The following SH3BP2 variants were observed in gnomAD, a reference collection of about 807,000 sequenced individuals.
SH3BP2 encodes the protein SH3 domain binding protein 2, also known as SH3 domain-binding protein 2.
SH3BP2 carries 38 observed loss-of-function variants against 56.2 expected under a neutral mutation model. The observed-to-expected ratio is 0.68, with a 90% CI of 0.52 to 0.89. The LOEUF (loss-of-function observed/expected upper bound fraction) is 0.89. Ranked by LOEUF, SH3BP2 falls within the 40% of genes least tolerant of loss-of-function variation. The pLI is 0.00. For synonymous variants in SH3BP2, 346 were observed against 316.7 expected (o/e 1.09, Z -0.98); for missense variants, 748 against 762.6 (o/e 0.98, Z 0.23).
chr4:2,829,629 GC>G lies in SH3BP2; in HGVS notation c.724del (p.His242ThrfsTer36), dbSNP rs747250901. Reference protein sequence around the residue: ...GPLLPPPPPKHGLPDVGLAAE... With the variant: ...GPLLPPPPPKXGLPDVGLAAE... Reference sequence around the variant, plus strand: ...CCCTACTGCCACCCCCGCCCCCTAAGCACGGCCTCCCAGATGTTGGCCTGGC... The same window carrying G: ...CCCTACTGCCACCCCCGCCCCCTAAGACGGCCTCCCAGATGTTGGCCTGGC... On this transcript the variant is annotated frameshift_variant, in exon 8 of 13. Transcript: ENST00000503393. LOFTEE classifies it high-confidence loss of function. The surrounding 1 kb of genome is among the most constrained non-coding windows in gnomAD (Gnocchi z 4.9). 1.8e-4 allele frequency: 298 copies of G among 1,611,768 alleles called. No homozygotes were observed. Among genetic ancestry groups the G allele is most frequent in the Non-Finnish European group, 2.3e-4 (271 of 1,179,398 alleles).
At chr4:2,815,955 A>G (rs1433611804) in intron 1 of SH3BP2, among the ~76,000 whole-genome samples, 1 of 152,162 alleles carries the variant, frequency 6.6e-6, no homozygotes, top group East Asian at 1.9e-4. Flanking sequence ...CGCTTGAACT[A>G]ACTCTTCCTT....
At chr4:2,798,957 G>T (rs951191909) in intron 1 of SH3BP2, 1 of 982,572 alleles carries the variant, frequency 1.0e-6, no homozygotes, top group African/African-American at 1.7e-5. Flanking sequence ...AGCTGCTGGG[G>T]CGGGGTGTGT....
intron 1 of SH3BP2, among the ~76,000 whole-genome samples, chr4:2,816,900 G>C (rs1724025894): frequency 6.6e-6 from 1 of 152,210 alleles, no homozygotes; most frequent in Non-Finnish European, 1.5e-5. Flanking sequence ...GTTTTATTGT[G>C]ATGTCTTTGT....
chr4:2,832,506 C>G, intron 11 of SH3BP2, 94 bp downstream of exon 11: 1 of 909,268 alleles, frequency 1.1e-6, no homozygotes, highest in Non-Finnish European at 1.9e-6. Context: ...CTAAACCACT[C>G]CCCTTGTGGA....
At chr4:2,827,368 C>T in intron 6 of SH3BP2, 50 bp downstream of exon 6, 1 of 1,524,620 alleles carries the variant, frequency 6.6e-7, no homozygotes, top group Non-Finnish European at 9.1e-7. Flanking sequence ...CCCACCTGGC[C>T]TCCTCTTGGC....
intron 5 of SH3BP2, chr4:2,826,676 G>C (rs57789977): frequency 0.1 from 35,596 of 351,698 alleles, 2,064 homozygotes; most frequent in Middle Eastern, 0.11. Flanking sequence ...CTGTGTGTGT[G>C]CATGTCCTCA....
At chr4:2,825,475 TGC>T (rs141960692) in intron 5 of SH3BP2, among the ~76,000 whole-genome samples, 15,271 of 137,888 alleles carry the variant, frequency 0.11, 1,193 homozygotes, top group African/African-American at 0.24. Context: ...CACGTGGACA[TGC>T]GCACACACAC....
intron 10 of SH3BP2, 59 bp from the exon 11 acceptor site, chr4:2,832,272 G>A (rs1335151384): frequency 3.6e-6 from 5 of 1,400,480 alleles, no homozygotes; most frequent in African/African-American, 1.4e-5. Context: ...GGGGCGGGAA[G>A]GTCCGTGTGA....
chr4:2,803,418 C>G (rs1723393471), intron 1 of SH3BP2, among the ~76,000 whole-genome samples: 1 of 152,228 alleles, frequency 6.6e-6, no homozygotes, highest in South Asian at 2.1e-4. Context: ...GGACCCAGTG[C>G]TGGGCCAAGT....
chr4:2,797,269 C>T (rs28676653), intron 1 of SH3BP2, among the ~76,000 whole-genome samples: 6,364 of 152,200 alleles, frequency 0.042, 257 homozygotes, highest in African/African-American at 0.1. Context: ...GAATGCTGGG[C>T]GGTCCTTGGC....
Position 2,827,238 on chromosome 4 carries a change from G to T in SH3BP2, c.437G>T (p.Ser146Ile). 6.2e-7 allele frequency: 1 copy of T among 1,614,134 alleles called. No homozygotes were observed. Among genetic ancestry groups the T allele is most frequent in the Non-Finnish European group, 8.5e-7 (1 of 1,180,012 alleles). Residue 146 changes from serine to isoleucine, a missense_variant, in exon 6 of 13, where the codon AGC (serine) becomes ATC (isoleucine). Ser to Ile is a moderately radical substitution (Grantham distance 142). Transcript: ENST00000503393. ...CGCACCCTGCATTGCAGCGACTCCA[G>T]CTCGGACACAGACAGCTTCTACGGC... is the stretch of plus-strand genomic sequence containing the variant. ...KDLPLDTSDS[S>I]SDTDSFYGAV...
chr4:2,825,786 T>C (rs1014763445), intron 5 of SH3BP2, among the ~76,000 whole-genome samples: 6 of 152,314 alleles, frequency 3.9e-5, no homozygotes, highest in African/African-American at 1.4e-4. Context: ...CCCAGCCCCC[T>C]ACGCCCACCC....
intron 5 of SH3BP2, chr4:2,826,606 GTGTT>G (rs774143623): frequency 8.2e-5 from 22 of 268,812 alleles, no homozygotes; most frequent in Middle Eastern, 1.4e-3. Context: ...GTGTTGCTCT[GTGTT>G]TGTGTGTGCA....
At chr4:2,801,525 C>T (rs558156587) in intron 1 of SH3BP2, among the ~76,000 whole-genome samples, 1 of 152,344 alleles carries the variant, frequency 6.6e-6, no homozygotes, top group African/African-American at 2.4e-5. Context: ...CGGCCAGAGA[C>T]CCCGGCCTGG....
At chr4:2,832,473 G>A in intron 11 of SH3BP2, 61 bp downstream of exon 11, 1 of 1,304,798 alleles carries the variant, frequency 7.7e-7, no homozygotes, top group Non-Finnish European at 1.1e-6. Context: ...CAGGCTGTGG[G>A]TGGGCCCAGG....
At chr4:2,802,404 A>G (rs56909486) in intron 1 of SH3BP2, among the ~76,000 whole-genome samples, 108 of 135,978 alleles carry the variant, frequency 7.9e-4, no homozygotes, top group Middle Eastern at 3.8e-3. Flanking sequence ...AAAAAAATAT[A>G]TGTGTGTGTG....
intron 1 of SH3BP2, among the ~76,000 whole-genome samples, chr4:2,820,155 G>A (rs1724222279): frequency 6.6e-6 from 1 of 152,214 alleles, no homozygotes; most frequent in Non-Finnish European, 1.5e-5. Context: ...CGTTTGAGCT[G>A]GGTGCTCTTG....
Position 2,829,049 on chromosome 4 carries a change from C to T in SH3BP2, c.587-444C>T, listed in dbSNP as rs550312829. 6.8e-4 allele frequency among the ~76,000 whole-genome samples: 103 copies of T among 152,310 alleles called. 1 individual carries two copies. Among genetic ancestry groups the T allele is most frequent in the African/African-American group, 4.6e-4 (19 of 41,554 alleles). ...CTGCACACATTCCCTGACCCCGCAT[C>T]CCCTGGCATCTCCCAGCTTTCTGGA... On this transcript the variant is annotated intron_variant, in intron 7 of 12. Transcript: ENST00000503393. This position sits in a 1 kb window ranked among gnomAD's most constrained non-coding sequence, Gnocchi z 4.9.
chr4:2,808,416 G>A lies in SH3BP2; in HGVS notation c.-4-12198G>A, dbSNP rs190885884. Reference sequence around the variant, plus strand: ...GAAGACCCTTTTTCCAAATAAGGTCGTGTTCACAGGTTCTGGGGATTAGGA... The same window carrying A: ...GAAGACCCTTTTTCCAAATAAGGTCATGTTCACAGGTTCTGGGGATTAGGA... On this transcript the variant is annotated intron_variant, in intron 1 of 12. Coordinates refer to ENST00000503393, the MANE Select transcript of SH3BP2 (RefSeq NM_001122681.2). 1.9e-3 allele frequency among the ~76,000 whole-genome samples: 296 copies of A among 152,296 alleles called. 1 individual carries two copies. The highest frequency in any genetic ancestry group is 3.5e-3 in the Non-Finnish European group (240 of 68,018).
Sources: gnomAD v4.1 joint callset for allele counts (sites outside exome capture counted in the v4.1 genomes callset) on GRCh38, gnomAD v4.1.1 for gene constraint, Gnocchi (gnomAD v3.1) non-coding constraint, MANE v1.5 for transcripts, NCBI Gene and HGNC (gene_info 2026-07-23, HGNC 2026-07-21) for gene names.